Variants in SLC30A8 observed in about 807,000 individuals in gnomAD.
The protein encoded by SLC30A8 is solute carrier family 30 member 8.
A neutral mutation model predicts 36.9 loss-of-function variants in SLC30A8; 27 were observed. That is an observed-to-expected ratio of 0.73 (90% CI 0.54 to 1.01). SLC30A8 has a LOEUF of 1.01. SLC30A8 is among the 50% of genes least tolerant of loss of function. The pLI, the probability that SLC30A8 is intolerant of heterozygous loss-of-function variation, is 0.00. For synonymous variants in SLC30A8, 164 were observed against 172.4 expected (o/e 0.95, Z 0.38); for missense variants, 439 against 452.0 (o/e 0.97, Z 0.26).
At chr8:117,077,950 G>C (rs948116368) in intron 2 of SLC30A8, among the ~76,000 whole-genome samples, 1 of 152,170 alleles carries the variant, frequency 6.6e-6, no homozygotes, top group Non-Finnish European at 1.5e-5. Context: ...TCGTGGCACG[G>C]ATTGATATTG....
intron 2 of SLC30A8, among the ~76,000 whole-genome samples, chr8:117,090,070 T>G (rs2130827885): frequency 6.6e-6 from 1 of 152,172 alleles, no homozygotes; most frequent in East Asian, 1.9e-4. Flanking sequence ...CCTCCCAGGT[T>G]CAAGCGATTC....
chr8:116,976,057 A>G (rs899486340), intron 1 of SLC30A8, among the ~76,000 whole-genome samples: 1 of 152,148 alleles, frequency 6.6e-6, no homozygotes, highest in African/African-American at 2.4e-5. Context: ...TCCAGAAGAG[A>G]TCTTGGGAAT....
chr8:117,020,949 AG>A (rs1330257010), intron 1 of SLC30A8, among the ~76,000 whole-genome samples: 3 of 152,200 alleles, frequency 2.0e-5, no homozygotes, highest in African/African-American at 7.2e-5. Flanking sequence ...GGAATGGAAA[AG>A]AAGATGGAGA....
chr8:116,963,356 G>GCATCACA, intron 1 of SLC30A8, among the ~76,000 whole-genome samples: 1 of 151,854 alleles, frequency 6.6e-6, no homozygotes, highest in Non-Finnish European at 1.5e-5. Flanking sequence ...TTTATAGTGT[G>GCATCACA]ATGCGACCAC....
At chr8:116,985,321 C>G (rs895732553) in intron 1 of SLC30A8, among the ~76,000 whole-genome samples, 3 of 144,930 alleles carry the variant, frequency 2.1e-5, no homozygotes, top group African/African-American at 8.5e-5. Flanking sequence ...CACACACACA[C>G]ACACACACAC....
At chr8:117,052,657 G>A (rs1387056190) in intron 2 of SLC30A8, among the ~76,000 whole-genome samples, 2 of 152,148 alleles carry the variant, frequency 1.3e-5, no homozygotes, top group Non-Finnish European at 2.9e-5. Context: ...TTATAGAGTT[G>A]TGGTTCAGCT....
intron 2 of SLC30A8, among the ~76,000 whole-genome samples, chr8:117,087,535 T>TTCAAGAAGA (rs1818929804): frequency 2.0e-5 from 3 of 152,028 alleles, no homozygotes; most frequent in African/African-American, 7.2e-5. Flanking sequence ...GGCTTCGTCT[T>TTCAAGAAGA]TTTTTTTCTA....
chr8:117,089,190 AC>A (rs1819007335), intron 2 of SLC30A8, among the ~76,000 whole-genome samples: 1 of 152,020 alleles, frequency 6.6e-6, no homozygotes. Context: ...TGTACAATCT[AC>A]CTAGGTGGGC....
intron 1 of SLC30A8, among the ~76,000 whole-genome samples, chr8:116,969,971 A>G (rs1250556859): frequency 6.6e-6 from 1 of 152,114 alleles, no homozygotes; most frequent in Non-Finnish European, 1.5e-5. Flanking sequence ...TCTTTCTTTG[A>G]TACTAAATTA....
chr8:117,113,169 A>G (rs1405202572), intron 2 of SLC30A8, among the ~76,000 whole-genome samples: 1 of 152,188 alleles, frequency 6.6e-6, no homozygotes, highest in Non-Finnish European at 1.5e-5. Flanking sequence ...GCTTTTAACC[A>G]GGATACTAAC....
intron 1 of SLC30A8, among the ~76,000 whole-genome samples, chr8:116,968,651 A>ATATG (rs1451965199): frequency 2.0e-5 from 3 of 150,112 alleles, no homozygotes; most frequent in Non-Finnish European, 4.4e-5. Context: ...GACAATGAAT[A>ATATG]TATATATATA....
chr8:117,099,462 A>C (rs1819614628), intron 2 of SLC30A8, among the ~76,000 whole-genome samples: 1 of 152,190 alleles, frequency 6.6e-6, no homozygotes, highest in African/African-American at 2.4e-5. Context: ...TAAGAAATAG[A>C]CATTTTAGTT....
intron 1 of SLC30A8, among the ~76,000 whole-genome samples, chr8:116,955,834 T>C (rs1814178503): frequency 6.6e-6 from 1 of 151,828 alleles, no homozygotes; most frequent in African/African-American, 2.4e-5. Context: ...TCCCTCAGAG[T>C]GCTCAGAGGA....
chr8:117,079,484 C>T (rs74730093), intron 2 of SLC30A8, among the ~76,000 whole-genome samples: 9 of 152,186 alleles, frequency 5.9e-5, no homozygotes, highest in East Asian at 1.9e-4. Flanking sequence ...CTAGCAGTGA[C>T]GTTTGATTAT....
chr8:116,985,284 TCACACACATACACA>T (rs1283231343), intron 1 of SLC30A8, among the ~76,000 whole-genome samples: 1 of 121,290 alleles, frequency 8.2e-6, no homozygotes, highest in African/African-American at 3.4e-5. Context: ...ATGTGCATGC[TCACACACATACACA>T]CACACACACA....
At chr8:117,015,277 C>T (rs911537652) in intron 1 of SLC30A8, among the ~76,000 whole-genome samples, 12 of 152,076 alleles carry the variant, frequency 7.9e-5, no homozygotes, top group African/African-American at 1.7e-4. Context: ...AAGGAAAATA[C>T]GATGCCAGTC....
intron 5 of SLC30A8, among the ~76,000 whole-genome samples, chr8:117,162,109 C>T (rs1302141060): frequency 6.6e-6 from 1 of 152,158 alleles, no homozygotes; most frequent in Non-Finnish European, 1.5e-5. Context: ...TAGGGAACAT[C>T]TCTGGCTCAC....
At chr8:116,996,320 G>A (rs1419027446) in intron 1 of SLC30A8, among the ~76,000 whole-genome samples, 2 of 152,104 alleles carry the variant, frequency 1.3e-5, no homozygotes, top group Non-Finnish European at 2.9e-5. Flanking sequence ...TCAGTCAGGA[G>A]CACTTTGAAA....
At chr8:117,062,105 C>A (rs1452839286) in intron 2 of SLC30A8, among the ~76,000 whole-genome samples, 1 of 152,114 alleles carries the variant, frequency 6.6e-6, no homozygotes, top group Non-Finnish European at 1.5e-5. Context: ...AGTGGACTTT[C>A]CACACAGGAT....
Sources: gnomAD v4.1 joint callset for allele counts (sites outside exome capture counted in the v4.1 genomes callset) on GRCh38, gnomAD v4.1.1 for gene constraint, MANE v1.5 for transcripts, NCBI Gene and HGNC (gene_info 2026-07-23, HGNC 2026-07-21) for gene names.